OPRM1: variants seen among roughly 807,000 people sequenced by gnomAD.
OPRM1 encodes the protein mu-type opioid receptor.
A neutral mutation model predicts 31.8 loss-of-function variants in OPRM1; 27 were observed. The observed-to-expected ratio is 0.85, with a 90% confidence interval of 0.63 to 1.17. The LOEUF is 1.17. OPRM1 is among the 50% of genes most tolerant of loss of function. The pLI, the probability that OPRM1 is intolerant of heterozygous loss-of-function variation, is 0.00. For missense variants in OPRM1, 536 were observed against 511.1 expected (o/e 1.05, Z -0.47); for synonymous variants, 196 against 189.9 (o/e 1.03, Z -0.26).
chr6:154,237,102 A>C (rs573346514), intron 3 of OPRM1, among the ~76,000 whole-genome samples: 2 of 152,326 alleles, frequency 1.3e-5, no homozygotes, highest in South Asian at 2.1e-4. Flanking sequence ...TCTGTAGAAG[A>C]AGCAGCTGGA....
intron 1 of OPRM1, among the ~76,000 whole-genome samples, chr6:154,033,955 C>T (rs1346824115): frequency 6.6e-6 from 1 of 152,144 alleles, no homozygotes; most frequent in Non-Finnish European, 1.5e-5. Context: ...AAACAGTGAC[C>T]CCATGGCATA....
chr6:154,180,908 T>C (rs932518350), intron 3 of OPRM1, among the ~76,000 whole-genome samples: 6 of 152,176 alleles, frequency 3.9e-5, no homozygotes, highest in African/African-American at 1.2e-4. Flanking sequence ...AAACAGCGTT[T>C]CCTGTTCATA....
At chr6:154,108,492 A>G (rs2128513749) in intron 3 of OPRM1, 1 of 153,116 alleles carries the variant, frequency 6.5e-6, no homozygotes, top group African/African-American at 2.4e-5. Flanking sequence ...CGGTAGCAAA[A>G]GGATCTTTTC....
At chr6:154,063,630 A>C in intron 1 of OPRM1, among the ~76,000 whole-genome samples, 1 of 151,966 alleles carries the variant, frequency 6.6e-6, no homozygotes, top group Non-Finnish European at 1.5e-5. Flanking sequence ...GAAACTCTAT[A>C]CCCATTAAAC....
At chr6:154,147,692 G>A (rs890793173) in intron 3 of OPRM1, among the ~76,000 whole-genome samples, 3 of 152,134 alleles carry the variant, frequency 2.0e-5, no homozygotes, top group Non-Finnish European at 4.4e-5. Context: ...AATCCTTTCA[G>A]TGCCACTGAT....
At chr6:154,152,335 GAAA>G (rs754771981) in intron 3 of OPRM1, among the ~76,000 whole-genome samples, 464 of 33,686 alleles carry the variant, frequency 0.014, 2 homozygotes, top group Admixed American at 0.035. Context: ...AAGAAAGAAA[GAAA>G]GAAAGAAAGG....
At chr6:154,052,133 C>T (rs551575102) in intron 1 of OPRM1, among the ~76,000 whole-genome samples, 2 of 151,988 alleles carry the variant, frequency 1.3e-5, no homozygotes, top group African/African-American at 4.8e-5. Context: ...ACAATGAGAA[C>T]ACGTGGACAC....
At position 154,128,586 on chromosome 6, in the gene OPRM1, A is replaced by G. The variant is rs1162191012; in HGVS notation, c.*9865A>G. On this transcript the variant is annotated 3_prime_UTR_variant, in exon 4 of 4. Transcript: ENST00000330432. Reference sequence around the variant, plus strand: ...TCTTTTTTTTCTCATAATAAGTTTGAAACTCACAGTAGGAAATTGAGAGAT... The same window carrying G: ...TCTTTTTTTTCTCATAATAAGTTTGGAACTCACAGTAGGAAATTGAGAGAT... Among the ~76,000 whole-genome samples, 6 of 152,184 alleles carry G rather than the reference A, an allele frequency of 3.9e-5. No individual in the cohort carries two copies. The highest frequency in any genetic ancestry group is 3.9e-4 in the Admixed American group (6 of 15,266).
intron 3 of OPRM1, among the ~76,000 whole-genome samples, chr6:154,117,838 A>G (rs1797030600): frequency 6.8e-6 from 1 of 147,048 alleles, no homozygotes; most frequent in African/African-American, 2.5e-5. Context: ...AGGGTAAAGC[A>G]TCAAATGGCT....
chr6:154,027,956 T>C (rs1325310890), intron 1 of OPRM1, among the ~76,000 whole-genome samples: 1 of 152,118 alleles, frequency 6.6e-6, no homozygotes, highest in East Asian at 1.9e-4. Flanking sequence ...ACCTACTAAG[T>C]ACTCTACCCC....
At chr6:154,202,082 G>T (rs986832234) in intron 3 of OPRM1, among the ~76,000 whole-genome samples, 2 of 152,156 alleles carry the variant, frequency 1.3e-5, no homozygotes, top group African/African-American at 4.8e-5. Context: ...TCTGAGTTTT[G>T]ATGGGAGAAG....
chr6:154,135,343 C>A (rs1798029298), downstream of OPRM1, among the ~76,000 whole-genome samples: 1 of 152,094 alleles, frequency 6.6e-6, no homozygotes, highest in Admixed American at 6.6e-5. Flanking sequence ...GTGGCAGGCA[C>A]CTGTAATCCC....
intron 3 of OPRM1, among the ~76,000 whole-genome samples, chr6:154,112,750 C>G (rs553360449): frequency 6.6e-6 from 1 of 152,306 alleles, no homozygotes; most frequent in Non-Finnish European, 1.5e-5. Context: ...CTTGGCTGAA[C>G]TTAAATTTTT....
At chr6:154,034,018 A>C (rs537553193) in intron 1 of OPRM1, among the ~76,000 whole-genome samples, 1 of 152,310 alleles carries the variant, frequency 6.6e-6, no homozygotes, top group African/African-American at 2.4e-5. Context: ...AAAAACACGA[A>C]AGAAGTTCCA....
At chr6:154,192,064 G>A (rs4626436) in intron 3 of OPRM1, among the ~76,000 whole-genome samples, 14,406 of 152,098 alleles carry the variant, frequency 0.095, 1,073 homozygotes, top group African/African-American at 0.21. Flanking sequence ...AATTCCGGCT[G>A]GATAAAGAGG....
chr6:154,165,257 C>A (rs1464611758), intron 3 of OPRM1, among the ~76,000 whole-genome samples: 2 of 152,160 alleles, frequency 1.3e-5, no homozygotes. Context: ...AGGACCCGCA[C>A]CCAGCACTCA....
At chr6:154,221,182 A>T in intron 3 of OPRM1, 1 of 1,040,588 alleles carries the variant, frequency 9.6e-7, no homozygotes, top group Non-Finnish European at 1.5e-6. Flanking sequence ...TGGACATATG[A>T]TTAGAATTCC....
chr6:154,199,169 A>C (rs756910237), intron 3 of OPRM1, among the ~76,000 whole-genome samples: 40 of 152,246 alleles, frequency 2.6e-4, no homozygotes, highest in Non-Finnish European at 1.9e-4. Flanking sequence ...CACAAAGTGC[A>C]TGCAAATTGT....
Position 154,083,907 on chromosome 6 carries a change from G to C in OPRM1, c.291-5919G>C, listed in dbSNP as rs545815193. Reference sequence around the variant, plus strand: ...TGCAGTGAGCCGAGATCGCGCCACTGCACTCCAGCCTGGGCGACAAAGGGA... The same window carrying C: ...TGCAGTGAGCCGAGATCGCGCCACTCCACTCCAGCCTGGGCGACAAAGGGA... On this transcript the variant is annotated intron_variant, in intron 1 of 3. Transcript: ENST00000330432. 2.3e-5 allele frequency among the ~76,000 whole-genome samples: 3 copies of C among 128,718 alleles called. No homozygotes were observed. The East Asian group carries it at 8.0e-4, about 34-fold the overall frequency. The allele number at this position is 128,718 out of a possible 152,430, so 84.4% of individuals were successfully genotyped here.
Sources: gnomAD v4.1 joint callset for allele counts (sites outside exome capture counted in the v4.1 genomes callset) on GRCh38, gnomAD v4.1.1 for gene constraint, MANE v1.5 for transcripts, NCBI Gene and HGNC (gene_info 2026-07-23, HGNC 2026-07-21) for gene names.